The following PTPRT variants were observed in gnomAD, a reference collection of about 807,000 sequenced individuals.
PTPRT encodes the protein receptor-type tyrosine-protein phosphatase T.
In PTPRT, 56 loss-of-function variants were observed where a neutral mutation model predicts 176.8. The observed-to-expected ratio is 0.32, with a 90% CI of 0.26 to 0.40. The LOEUF is 0.40. PTPRT is among the 10% of genes least tolerant of loss of function. The pLI is 1.00. For missense variants in PTPRT, 1,540 were observed against 1,908.2 expected, an observed-to-expected ratio of 0.81 and a Z score of 3.60; for synonymous variants, 783 against 739.0, an observed-to-expected ratio of 1.06 and a Z score of -0.96.
At chr20:43,092,066 T>G (rs2011901435) in intron 1 of PTPRT, among the ~76,000 whole-genome samples, 1 of 152,110 alleles carries the variant, frequency 6.6e-6, no homozygotes, top group Non-Finnish European at 1.5e-5. Flanking sequence ...CTGGGTTTTC[T>G]CAAAAAACAA....
chr20:43,009,747 G>A (rs1050600834), intron 1 of PTPRT, among the ~76,000 whole-genome samples: 2 of 152,154 alleles, frequency 1.3e-5, no homozygotes, highest in African/African-American at 2.4e-5. Context: ...TTCTTCCATT[G>A]ACTGGGCATC....
At chr20:42,184,149 C>A (rs1175550969) in intron 16 of PTPRT, among the ~76,000 whole-genome samples, 1 of 152,166 alleles carries the variant, frequency 6.6e-6, no homozygotes, top group East Asian at 1.9e-4. Context: ...GTCATCCCAG[C>A]TGAGGCTCCC....
intron 1 of PTPRT, among the ~76,000 whole-genome samples, chr20:42,892,486 GT>G (rs1260616026): frequency 6.9e-6 from 1 of 145,758 alleles, no homozygotes; most frequent in Non-Finnish European, 1.5e-5. Context: ...GTGGAGCTAA[GT>G]AAAAAAAAAA....
intron 1 of PTPRT, among the ~76,000 whole-genome samples, chr20:42,960,162 T>C (rs1981905816): frequency 6.6e-6 from 1 of 152,202 alleles, no homozygotes; most frequent in Non-Finnish European, 1.5e-5. Flanking sequence ...TCAATTTTAA[T>C]AAATATTTTC....
the PTPRT span, among the ~76,000 whole-genome samples, chr20:42,067,404 G>T: frequency 6.6e-6 from 1 of 152,144 alleles, no homozygotes; most frequent in African/African-American, 2.4e-5. Flanking sequence ...GCCATGTTCT[G>T]CCAAGGATAG....
chr20:42,349,842 C>T (rs975165653), intron 11 of PTPRT, among the ~76,000 whole-genome samples: 4 of 152,206 alleles, frequency 2.6e-5, no homozygotes, highest in Non-Finnish European at 2.9e-5. Context: ...GAGATGCCCA[C>T]GCTCCTGATA....
intron 7 of PTPRT, among the ~76,000 whole-genome samples, chr20:42,648,754 T>C (rs1427877443): frequency 6.6e-6 from 1 of 151,552 alleles, no homozygotes; most frequent in Non-Finnish European, 1.5e-5. Flanking sequence ...CTCATGTTAC[T>C]GATAAAGACA....
At chr20:42,498,564 G>A (rs148655238) in intron 7 of PTPRT, among the ~76,000 whole-genome samples, 2 of 152,148 alleles carry the variant, frequency 1.3e-5, no homozygotes, top group Admixed American at 1.3e-4. Flanking sequence ...CTCTTGCGGG[G>A]GAAGTTATAT....
At position 42,084,788 on chromosome 20, in the gene PTPRT, G is replaced by A. The variant is rs200056702; in HGVS notation, c.4030C>T (p.Arg1344Trp). Residue 1344 changes from arginine (R) to tryptophan (W), a missense_variant, in exon 29 of 31, where the codon CGG (arginine) becomes TGG (tryptophan). By Grantham distance (101) the Arg-to-Trp change is moderately radical. Around this residue, in one of 11 missense-constraint regions of PTPRT, gnomAD observed 342 missense variants for 394.0 expected, o/e 0.87. Coordinates refer to ENST00000373187, the MANE Select transcript of PTPRT (RefSeq NM_007050.6). ...GAGCGCTTGGAGGGGGGCGTGTCCC[G>A]GTAGGCAGGCCAGCCAATGTACTGG... ...HLQYIGWPAYRDTPPSKRSLL... is the reference protein window; with the variant it reads ...HLQYIGWPAYWDTPPSKRSLL... 1.2e-5 allele frequency: 19 copies of A among 1,550,802 alleles called. No individual in the cohort carries two copies. The highest frequency in any genetic ancestry group is 4.7e-5 in the East Asian group (2 of 42,618).
chr20:42,496,289 C>T (rs1276669326), intron 7 of PTPRT, among the ~76,000 whole-genome samples: 2 of 152,140 alleles, frequency 1.3e-5, no homozygotes, highest in African/African-American at 4.8e-5. Flanking sequence ...CACAAAAACA[C>T]ATTGCAATTT....
chr20:42,377,897 A>T (rs958310295), intron 9 of PTPRT, among the ~76,000 whole-genome samples: 1 of 152,226 alleles, frequency 6.6e-6, no homozygotes, highest in South Asian at 2.1e-4. Context: ...AACCTGGATG[A>T]TAGTATTCTG....
intron 9 of PTPRT, among the ~76,000 whole-genome samples, chr20:42,424,824 A>G (rs1157967541): frequency 6.7e-6 from 1 of 149,550 alleles, no homozygotes; most frequent in Non-Finnish European, 1.5e-5. Context: ...GAGGGAATCT[A>G]GGATGCCTTT....
intron 1 of PTPRT, among the ~76,000 whole-genome samples, chr20:43,026,328 G>T (rs1227024880): frequency 6.6e-6 from 1 of 152,254 alleles, no homozygotes; most frequent in African/African-American, 2.4e-5. Flanking sequence ...ATATTGGCCA[G>T]GCTGGTCTCA....
At chr20:42,373,968 G>A (rs2058620225) in intron 9 of PTPRT, among the ~76,000 whole-genome samples, 1 of 152,214 alleles carries the variant, frequency 6.6e-6, no homozygotes, top group African/African-American at 2.4e-5. Context: ...AGGGTGCTGG[G>A]GTGGGGTCTG....
At chr20:42,714,786 C>G (rs1298102572) in intron 6 of PTPRT, among the ~76,000 whole-genome samples, 1 of 152,160 alleles carries the variant, frequency 6.6e-6, no homozygotes, top group African/African-American at 2.4e-5. Flanking sequence ...ACTGAGGAAC[C>G]CGAATTAGAG....
At chr20:42,374,095 A>G (rs1323066829) in intron 9 of PTPRT, among the ~76,000 whole-genome samples, 4 of 152,200 alleles carry the variant, frequency 2.6e-5, no homozygotes, top group Non-Finnish European at 5.9e-5. Context: ...CTAAATAAAA[A>G]AGCAATGACC....
chr20:42,902,146 A>G lies in PTPRT; in HGVS notation c.89-16214T>C, dbSNP rs115056541. Among the ~76,000 whole-genome samples, 244 of 152,308 alleles carry G rather than the reference A, an allele frequency of 1.6e-3. 3 individuals carry two copies. Among genetic ancestry groups the G allele is most frequent in the African/African-American group, 5.7e-3 (239 of 41,578 alleles). ...GCTAGTCCCAAAAGTTGCTACCACT[A>G]CAGGAACATCTGGCTTTCTAAAAAC... On this transcript the variant is annotated intron_variant, in intron 1 of 30. Coordinates refer to ENST00000373187, the MANE Select transcript of PTPRT (RefSeq NM_007050.6).
intron 2 of PTPRT, among the ~76,000 whole-genome samples, chr20:42,876,982 T>C (rs578214751): frequency 6.6e-6 from 1 of 152,256 alleles, no homozygotes; most frequent in East Asian, 1.9e-4. Context: ...GGAGCTGTGC[T>C]CTTAGCCTTA....
At chr20:42,109,409 T>TTCA (rs1986817484) in intron 23 of PTPRT, among the ~76,000 whole-genome samples, 1 of 152,318 alleles carries the variant, frequency 6.6e-6, no homozygotes, top group East Asian at 1.9e-4. Context: ...GACAGGATAC[T>TTCA]TCATCTCCAT....
Sources: allele counts gnomAD v4.1 joint callset (sites outside exome capture counted in the v4.1 genomes callset), GRCh38; gene constraint gnomAD v4.1.1; regional missense constraint gnomAD v4.1.1; transcripts MANE v1.5; gene names NCBI Gene and HGNC (gene_info 2026-07-23, HGNC 2026-07-21).